Variants in FIS1 observed in about 807,000 individuals in gnomAD.
The protein encoded by FIS1 is fission, mitochondrial 1, also known as mitochondrial fission 1 protein.
FIS1 carries 16 observed loss-of-function variants against 21.6 expected under a neutral mutation model. That is an observed-to-expected ratio of 0.74 (90% CI 0.50 to 1.12). The LOEUF (loss-of-function observed/expected upper bound fraction) is 1.12. Ranked by LOEUF, FIS1 falls within the 50% of genes most tolerant of loss-of-function variation. The pLI, the probability that FIS1 is intolerant of heterozygous loss-of-function variation, is 0.00. For missense variants in FIS1, 198 were observed against 190.9 expected, an observed-to-expected ratio of 1.04 and a Z score of -0.22; for synonymous variants, 92 against 82.2, an observed-to-expected ratio of 1.12 and a Z score of -0.65.
chr7:101,244,216 G>T (rs779257837), intron 1 of FIS1, 77 bp from the exon 2 acceptor site: 2 of 1,507,754 alleles, frequency 1.3e-6, no homozygotes, highest in Non-Finnish European at 1.8e-6. Flanking sequence ...CCATCTCCCT[G>T]GCTCTGCCCC....
At position 101,244,068 on chromosome 7, in the gene FIS1, G is replaced by C. The variant is rs1167858288; in HGVS notation, c.117C>G (p.Ala39=). Residue 39 remains alanine (A), a synonymous_variant, in exon 2 of 5, where the codon GCC becomes GCG. Coordinates refer to ENST00000223136, the MANE Select transcript of FIS1 (RefSeq NM_016068.3). ...SVSKSTQFEY[A]WCLVRSKYND... Reference sequence around the variant, plus strand: ...TGTACTTGCTCCGCACCAGGCACCAGGCGTACTCAAACTGCGTGCTCTTGG... The same window carrying C: ...TGTACTTGCTCCGCACCAGGCACCACGCGTACTCAAACTGCGTGCTCTTGG... 2.5e-6 allele frequency: 4 copies of C among 1,614,102 alleles called. No individual in the cohort carries two copies. Among genetic ancestry groups the C allele is most frequent in the Non-Finnish European group, 3.4e-6 (4 of 1,180,012 alleles).
intron 2 of FIS1, chr7:101,241,693 C>T (rs1461490880): frequency 7.5e-6 from 1 of 132,630 alleles, no homozygotes; most frequent in Non-Finnish European, 1.5e-5. Flanking sequence ...TGAGCCGTAG[C>T]TCATGACTAT....
At position 101,239,798 on chromosome 7, in the gene FIS1, C is replaced by T. The variant is rs373285936; in HGVS notation, c.*8G>A. On this transcript the variant is annotated 3_prime_UTR_variant, in exon 5 of 5. Coordinates refer to ENST00000223136, the MANE Select transcript of FIS1 (RefSeq NM_016068.3). ...CTGGAGCGTTCTCCGTGGGCTCCCG[C>T]GTCTCCTTCAGGATTTGGACTTGGA... 3.8e-5 allele frequency: 61 copies of T among 1,588,162 alleles called. No individual in the cohort carries two copies. The highest frequency in any genetic ancestry group is 5.1e-5 in the Non-Finnish European group (60 of 1,166,820).
Position 101,245,073 on chromosome 7 carries a change from G to A in FIS1, c.-69C>T. ...CAGTCTCCATGGCCCAGTGGCAGGGGCGGAGAACCACTTCCGGCGTCCGGC... is the reference window on the plus strand; with the variant it reads ...CAGTCTCCATGGCCCAGTGGCAGGGACGGAGAACCACTTCCGGCGTCCGGC... On this transcript the variant is annotated 5_prime_UTR_variant, in exon 1 of 5. Coordinates refer to ENST00000223136, the MANE Select transcript of FIS1 (RefSeq NM_016068.3). 1 of 1,547,732 alleles carries A rather than the reference G, an allele frequency of 6.5e-7. No homozygotes were observed. Among genetic ancestry groups the A allele is most frequent in the Non-Finnish European group, 8.8e-7 (1 of 1,134,994 alleles).
Position 101,239,744 on chromosome 7 carries a change from GA to G in FIS1, c.*61del. 1 of 1,392,734 alleles carries G rather than the reference GA, an allele frequency of 7.2e-7. No individual in the cohort carries two copies. Among genetic ancestry groups the G allele is most frequent in the Non-Finnish European group, 1.0e-6 (1 of 1,000,920 alleles). 86.3% of individuals were successfully genotyped at this position (1,392,734 alleles called of 1,614,324 possible). A position where few individuals can be genotyped will look rare whatever the true frequency, so the allele number is the denominator to read the frequency against. On this transcript the variant is annotated 3_prime_UTR_variant, in exon 5 of 5. Transcript: ENST00000223136. ...AGACGGGGGGCAGGGGGAGAACAGG[GA>G]AAGGACAGCGAGGATGGACAGGCCC...
intron 1 of FIS1, 84 bp from the exon 2 acceptor site, chr7:101,244,223 C>T: frequency 6.9e-7 from 1 of 1,459,450 alleles, no homozygotes; most frequent in Non-Finnish European, 9.1e-7. Flanking sequence ...CCTGGCTCTG[C>T]CCCTTTCCCT....
rs1319293176 is a variant in FIS1 at position 101,240,939 on chromosome 7, CTTCTTTCCTAA to C, written c.179-44_179-34del. On this transcript the variant is annotated intron_variant, in intron 2 of 4. Transcript: ENST00000223136. ...GGGGCAGAGAAGAGGGTGAGAAATGCTTCTTTCCTAATACTTTCCTAATACTGTGTCCCAGA... is the reference window on the plus strand; with the variant it reads ...GGGGCAGAGAAGAGGGTGAGAAATGCTACTTTCCTAATACTGTGTCCCAGA... The C allele has an allele frequency of 2.5e-6, 4 of 1,602,624 alleles. No individual in the cohort carries two copies. In the African/African-American group the frequency reaches 5.4e-5, roughly 21 times the overall value.
chr7:101,243,897 C>T, intron 2 of FIS1, 110 bp downstream of exon 2: 1 of 1,392,386 alleles, frequency 7.2e-7, no homozygotes, highest in Non-Finnish European at 9.7e-7. Flanking sequence ...CTAAGTATAG[C>T]CCTTGGTGCA....
At chr7:101,242,769 G>C (rs1759622965) in intron 2 of FIS1, among the ~76,000 whole-genome samples, 1 of 152,044 alleles carries the variant, frequency 6.6e-6, no homozygotes, top group Non-Finnish European at 1.5e-5. Context: ...TTACAGGTGT[G>C]AGCCACTGTG....
At chr7:101,241,692 G>C (rs1303568425) in intron 2 of FIS1, 1 of 131,606 alleles carries the variant, frequency 7.6e-6, no homozygotes, top group Non-Finnish European at 1.5e-5. Flanking sequence ...GTGAGCCGTA[G>C]CTCATGACTA....
intron 1 of FIS1, 150 bp downstream of exon 1, chr7:101,244,810 C>G: frequency 3.3e-6 from 3 of 898,456 alleles, no homozygotes; most frequent in Non-Finnish European, 5.2e-6. Context: ...GCCCTCCGGG[C>G]AGGAGCCAGG....
chr7:101,244,200 G>A (rs890686007), intron 1 of FIS1, 61 bp from the exon 2 acceptor site: 5 of 1,566,906 alleles, frequency 3.2e-6, no homozygotes, highest in African/African-American at 2.7e-5. Flanking sequence ...TCTCTATCTG[G>A]ACATGCCATC....
rs771020741 is a variant in FIS1 at position 101,244,907 on chromosome 7, C to T, written c.45+53G>A. ...AGGGTTCGGCCCCTACCTGACTCTC[C>T]TCAGGACCCGCCCTCCGACCTTCCC... is the stretch of plus-strand genomic sequence containing the variant. On this transcript the variant is annotated intron_variant, in intron 1 of 4. Transcript: ENST00000223136. 1.9e-6 allele frequency: 3 copies of T among 1,609,578 alleles called. No homozygotes were observed. In the East Asian group the frequency reaches 6.7e-5, roughly 36 times the overall value.
chr7:101,243,950 G>GC lies in FIS1; in HGVS notation c.178+56dup, dbSNP rs980676513. The GC allele has an allele frequency of 4.5e-6, 7 of 1,559,644 alleles. No individual in the cohort carries two copies. In the African/African-American group the frequency reaches 9.5e-5, roughly 21 times the overall value. On this transcript the variant is annotated intron_variant, in intron 2 of 4. Coordinates refer to ENST00000223136, the MANE Select transcript of FIS1 (RefSeq NM_016068.3). ...AACTCAGAGGTGCCTGGACTACGGG[G>GC]CCCACATCGCAGAGCAGCCCAGATG...
chr7:101,240,856 G>A lies in FIS1; in HGVS notation c.229C>T (p.Leu77=), dbSNP rs1457217374. 3 of 1,614,086 alleles carry A rather than the reference G, an allele frequency of 1.9e-6. No individual in the cohort carries two copies. Among genetic ancestry groups the A allele is most frequent in the Non-Finnish European group, 2.5e-6 (3 of 1,180,040 alleles). Residue 77 remains leucine (L), a synonymous_variant, in exon 3 of 5, where the codon CTG becomes TTG. Transcript: ENST00000223136. ...KEEQRDYVFY[L]AVGNYRLKEY... ...TTGAGCCGGTAGTTCCCCACGGCCA[G>A]GTAGAAGACGTAATCCCGCTGTTCC... is the stretch of plus-strand genomic sequence containing the variant.
chr7:101,245,014 C>A lies in FIS1; in HGVS notation c.-10G>T. 6.2e-7 allele frequency: 1 copy of A among 1,613,912 alleles called. No homozygotes were observed. The highest frequency in any genetic ancestry group is 8.5e-7 in the Non-Finnish European group (1 of 1,179,916). ...TCAGCACGGCCTCCATGGCCACTGCCCCCGCGAGCCTCACACTACAGTCTA... is the reference window on the plus strand; with the variant it reads ...TCAGCACGGCCTCCATGGCCACTGCACCCGCGAGCCTCACACTACAGTCTA... On this transcript the variant is annotated 5_prime_UTR_variant, in exon 1 of 5. Transcript: ENST00000223136.
chr7:101,240,272 G>T, intron 3 of FIS1, 25 bp from the exon 4 acceptor site: 7 of 1,604,092 alleles, frequency 4.4e-6, no homozygotes, highest in Non-Finnish European at 6.0e-6. Context: ...ACGCGCACGC[G>T]TCATACACAC....
chr7:101,245,065 T>G lies in FIS1; in HGVS notation c.-61A>C. 6.4e-7 allele frequency: 1 copy of G among 1,568,548 alleles called. No individual in the cohort carries two copies. Among genetic ancestry groups the G allele is most frequent in the African/African-American group, 1.4e-5 (1 of 73,572 alleles). ...CTGTGCCACAGTCTCCATGGCCCAG[T>G]GGCAGGGGCGGAGAACCACTTCCGG... On this transcript the variant is annotated 5_prime_UTR_variant, in exon 1 of 5. Coordinates refer to ENST00000223136, the MANE Select transcript of FIS1 (RefSeq NM_016068.3).
chr7:101,239,732 G>A lies in FIS1; in HGVS notation c.*74C>T. 1.6e-6 allele frequency: 2 copies of A among 1,263,110 alleles called. No homozygotes were observed. Among genetic ancestry groups the A allele is most frequent in the Non-Finnish European group, 2.3e-6 (2 of 883,028 alleles). 78.2% of individuals were successfully genotyped at this position (1,263,110 alleles called of 1,614,324 possible). The stretch of plus-strand genomic sequence containing the variant: ...CACAGAGGATAGAGACGGGGGGCAG[G>A]GGGAGAACAGGGAAAGGACAGCGAG... On this transcript the variant is annotated 3_prime_UTR_variant, in exon 5 of 5. Coordinates refer to ENST00000223136, the MANE Select transcript of FIS1 (RefSeq NM_016068.3).
Sources: gnomAD v4.1 joint callset for allele counts (sites outside exome capture counted in the v4.1 genomes callset) on GRCh38, gnomAD v4.1.1 for gene constraint, MANE v1.5 for transcripts, NCBI Gene and HGNC (gene_info 2026-07-23, HGNC 2026-07-21) for gene names.